SORCS1: variants seen among roughly 807,000 people sequenced by gnomAD.
SORCS1 encodes sortilin related VPS10 domain containing receptor 1.
SORCS1 carries 60 observed loss-of-function variants against 146.1 expected under a neutral mutation model. The ratio of observed to expected loss-of-function variants is 0.41; its 90% CI spans 0.33 to 0.51. The LOEUF is 0.51. Ranked by LOEUF, SORCS1 falls within the 20% of genes least tolerant of loss-of-function variation. The pLI is 0.21. For synonymous variants in SORCS1, 637 were observed against 584.0 expected (o/e 1.09, Z -1.31); for missense variants, 1,352 against 1,487.6 (o/e 0.91, Z 1.50).
intron 2 of SORCS1, among the ~76,000 whole-genome samples, chr10:106,907,215 T>G (rs536914051): frequency 6.6e-6 from 1 of 152,316 alleles, no homozygotes; most frequent in East Asian, 1.9e-4. Flanking sequence ...ATCCCAGTAT[T>G]ACATACAGTA....
At chr10:106,879,144 C>T (rs1363750553) in intron 2 of SORCS1, among the ~76,000 whole-genome samples, 4 of 104,466 alleles carry the variant, frequency 3.8e-5, no homozygotes, top group Middle Eastern at 4.3e-3. Context: ...AGTGAGACTC[C>T]ATCAAAAAAA....
At chr10:106,949,154 G>A (rs1388457380) in intron 2 of SORCS1, among the ~76,000 whole-genome samples, 1 of 152,142 alleles carries the variant, frequency 6.6e-6, no homozygotes, top group African/African-American at 2.4e-5. Context: ...ACATTTGTAC[G>A]CACAGGTGTG....
At chr10:107,066,373 T>C (rs188463649) in intron 1 of SORCS1, among the ~76,000 whole-genome samples, 2 of 152,326 alleles carry the variant, frequency 1.3e-5, no homozygotes, top group African/African-American at 4.8e-5. Context: ...TATCCTTCAA[T>C]TGTTTTACAA....
intron 2 of SORCS1, among the ~76,000 whole-genome samples, chr10:106,927,569 A>G (rs11193113): frequency 0.29 from 44,106 of 151,970 alleles, 6,889 homozygotes; most frequent in Non-Finnish European, 0.36. Context: ...CAGCCTGTTT[A>G]TTCTCATGTG....
chr10:107,002,449 T>C (rs918046109), intron 1 of SORCS1, among the ~76,000 whole-genome samples: 3 of 152,184 alleles, frequency 2.0e-5, no homozygotes, highest in African/African-American at 7.2e-5. Flanking sequence ...AGCCACTCTT[T>C]TGGGCCATTA....
Position 106,585,693 on chromosome 10 carries a change from T to G in SORCS1, c.3266-6219A>C, listed in dbSNP as rs528012294. Among the ~76,000 whole-genome samples, 105 of 152,340 alleles carry G rather than the reference T, an allele frequency of 6.9e-4. 3 individuals are homozygous for G. In the South Asian group the frequency reaches 0.021, roughly 31 times the overall value. ...TCTTCATGTCTTGAATCTGAGCTAT[T>G]ATTATAATCTGCATCTGGCAATGGA... On this transcript the variant is annotated intron_variant, in intron 24 of 25. Coordinates refer to ENST00000263054, the MANE Select transcript of SORCS1 (RefSeq NM_052918.5).
At chr10:106,751,218 G>A (rs886271338) in intron 5 of SORCS1, among the ~76,000 whole-genome samples, 3 of 152,002 alleles carry the variant, frequency 2.0e-5, no homozygotes, top group Non-Finnish European at 4.4e-5. Flanking sequence ...CACTCCTAGT[G>A]CAGGCACTAG....
chr10:106,619,053 G>T (rs770929594), intron 20 of SORCS1, among the ~76,000 whole-genome samples: 43 of 152,036 alleles, frequency 2.8e-4, no homozygotes, highest in Non-Finnish European at 4.4e-4. Context: ...TTAATTCCCT[G>T]TATGGCAGAA....
chr10:106,837,741 G>A (rs144643324), intron 2 of SORCS1, among the ~76,000 whole-genome samples: 23 of 151,338 alleles, frequency 1.5e-4, no homozygotes, highest in African/African-American at 5.6e-4. Flanking sequence ...TCTTTTCTCT[G>A]CCTCCTCCCA....
intron 18 of SORCS1, among the ~76,000 whole-genome samples, chr10:106,644,938 A>G (rs1849313971): frequency 6.6e-6 from 1 of 152,150 alleles, no homozygotes; most frequent in Admixed American, 6.6e-5. Flanking sequence ...ATTATCTTAC[A>G]TACATTCTGG....
chr10:107,152,546 G>C (rs1335481763), intron 1 of SORCS1, among the ~76,000 whole-genome samples: 16 of 152,140 alleles, frequency 1.1e-4, no homozygotes, highest in Admixed American at 9.8e-4. Context: ...TCATGGGAGT[G>C]GCTACCTCCA....
chr10:107,172,537 C>T, the SORCS1 span, among the ~76,000 whole-genome samples: 1 of 152,166 alleles, frequency 6.6e-6, no homozygotes, highest in African/African-American at 2.4e-5. Flanking sequence ...TAATTCTCAT[C>T]TTCTAAGTTA....
the SORCS1 span, among the ~76,000 whole-genome samples, chr10:107,172,880 T>A: frequency 6.6e-6 from 1 of 152,232 alleles, no homozygotes; most frequent in African/African-American, 2.4e-5. Flanking sequence ...TAGCTGAAGT[T>A]AGTTTAAAGA....
At chr10:106,945,521 T>A (rs767606212) in intron 2 of SORCS1, among the ~76,000 whole-genome samples, 2 of 152,218 alleles carry the variant, frequency 1.3e-5, no homozygotes, top group African/African-American at 4.8e-5. Context: ...GTGATCTGTA[T>A]CTCAAGGGAC....
At chr10:106,682,668 G>A (rs1238811782) in intron 10 of SORCS1, among the ~76,000 whole-genome samples, 1 of 152,186 alleles carries the variant, frequency 6.6e-6, no homozygotes, top group African/African-American at 2.4e-5. Context: ...CAGGCTGGGG[G>A]CACATCATAG....
chr10:106,660,840 T>C (rs990641301), intron 17 of SORCS1, among the ~76,000 whole-genome samples: 1 of 152,054 alleles, frequency 6.6e-6, no homozygotes, highest in Non-Finnish European at 1.5e-5. Context: ...CATGAGGAAT[T>C]AATGGCCCCT....
intron 2 of SORCS1, among the ~76,000 whole-genome samples, chr10:106,898,524 C>G (rs753437943): frequency 6.6e-6 from 1 of 152,182 alleles, no homozygotes; most frequent in Non-Finnish European, 1.5e-5. Context: ...CACTGGAAAC[C>G]TCCCAGCATC....
In SORCS1 at chr10:106,699,506, G is replaced by C. The variant is rs894087195; in HGVS notation, c.1234-113C>G. 3.3e-5 allele frequency: 28 copies of C among 840,964 alleles called. No homozygotes were observed. In the South Asian group the frequency reaches 5.6e-4, roughly 17 times the overall value. 52.1% of individuals were successfully genotyped at this position (840,964 alleles called of 1,614,324 possible). ...GAATACCAGAATGAGCACTTTAATG[G>C]AAGATAGCTTCCTTTTGCATATATA... On this transcript the variant is annotated intron_variant, in intron 8 of 25. Coordinates refer to ENST00000263054, the MANE Select transcript of SORCS1 (RefSeq NM_052918.5).
intron 7 of SORCS1, among the ~76,000 whole-genome samples, chr10:106,708,006 G>A (rs997126711): frequency 1.3e-5 from 2 of 152,170 alleles, no homozygotes; most frequent in African/African-American, 2.4e-5. Context: ...GATGTTCATG[G>A]TGGCATGGGT....
Sources: gnomAD v4.1 joint callset for allele counts (sites outside exome capture counted in the v4.1 genomes callset) on GRCh38, gnomAD v4.1.1 for gene constraint, MANE v1.5 for transcripts, NCBI Gene and HGNC (gene_info 2026-07-23, HGNC 2026-07-21) for gene names.